Variants in H6PD observed in about 807,000 individuals in gnomAD.
H6PD encodes hexose-6-phosphate dehydrogenase/glucose 1-dehydrogenase.
H6PD carries 48 observed loss-of-function variants against 61.2 expected under a neutral mutation model. The ratio of observed to expected loss-of-function variants is 0.78; its 90% CI spans 0.62 to 1.00. The LOEUF is 1.00. H6PD is among the 50% of genes least tolerant of loss of function. H6PD has a pLI of 0.00. For synonymous variants in H6PD, 480 were observed against 457.9 expected, an observed-to-expected ratio of 1.05 and a Z score of -0.62; for missense variants, 1,093 against 1,065.0, an observed-to-expected ratio of 1.03 and a Z score of -0.37.
intron 1 of H6PD, among the ~76,000 whole-genome samples, chr1:9,235,911 C>T (rs1365957469): frequency 6.6e-6 from 1 of 152,224 alleles, no homozygotes; most frequent in African/African-American, 2.4e-5. Flanking sequence ...CACGCCCAGA[C>T]AGCGTATTTT....
At chr1:9,261,945 G>C in intron 3 of H6PD, 114 bp from the exon 4 acceptor site, 1 of 1,060,304 alleles carries the variant, frequency 9.4e-7, no homozygotes, top group Non-Finnish European at 1.4e-6. Flanking sequence ...CCTGTGGACT[G>C]GGGGAAGAGG....
chr1:9,241,105 T>C (rs1225386406), intron 1 of H6PD, among the ~76,000 whole-genome samples: 1 of 152,194 alleles, frequency 6.6e-6, no homozygotes, highest in Non-Finnish European at 1.5e-5. Flanking sequence ...GGCCTGGCTC[T>C]GTAGCCCCAG....
In H6PD at chr1:9,254,965, G is replaced by A. The variant is rs1398195528; in HGVS notation, c.746-7094G>A. On this transcript the variant is annotated intron_variant, in intron 3 of 4. Transcript: ENST00000377403. This position sits in a 1 kb window ranked among gnomAD's most constrained non-coding sequence, Gnocchi z 4.6. ...TACATATAGGATCATACGGTGTGTG[G>A]TTTCCATCAGTTAGCATCCTGAGTT... Among the ~76,000 whole-genome samples the A allele has an allele frequency of 6.6e-6, 1 of 152,180 alleles. No individual in the cohort carries two copies. The highest frequency in any genetic ancestry group is 1.5e-5 in the Non-Finnish European group (1 of 68,038).
At chr1:9,262,014 G>T in intron 3 of H6PD, 45 bp from the exon 4 acceptor site, 2 of 1,603,554 alleles carry the variant, frequency 1.2e-6, no homozygotes, top group Non-Finnish European at 1.7e-6. Flanking sequence ...CTGATGTTCT[G>T]GCCTCTCTTT....
At position 9,264,731 on chromosome 1, in the gene H6PD, C is replaced by A; in HGVS notation, c.2238C>A (p.Val746=). ...INRAKKVAVL[V]MGRMKREITT... The stretch of plus-strand genomic sequence containing the variant: ...GCGCCAAGAAGGTGGCAGTCCTGGT[C>A]ATGGGCAGGATGAAGCGTGAGATCA... The change falls in exon 5 of 5, where the codon GTC becomes GTA. Residue 746 remains valine, a synonymous_variant. Transcript: ENST00000377403. 1 of 1,613,316 alleles carries A rather than the reference C, an allele frequency of 6.2e-7. No individual in the cohort carries two copies. Among genetic ancestry groups the A allele is most frequent in the Non-Finnish European group, 8.5e-7 (1 of 1,180,022 alleles).
rs1244731935 is a variant in H6PD, at chr1:9,270,069, T to C, written c.*5200T>C. 6.6e-6 allele frequency: 1 copy of C among 152,554 alleles called. No homozygotes were observed. Among genetic ancestry groups the C allele is most frequent in the Admixed American group, 6.5e-5 (1 of 15,268 alleles). 9.5% of individuals were successfully genotyped at this position (152,554 alleles called of 1,614,324 possible). On this transcript the variant is annotated 3_prime_UTR_variant, in exon 5 of 5. Coordinates refer to ENST00000377403, the MANE Select transcript of H6PD (RefSeq NM_004285.4). ...TGCCGAAGTGTACCCTCTAGCCAAC[T>C]TTTGGGAGCGCTTCTGTTTGCAAAG...
At chr1:9,243,501 A>G (rs1412887897) in intron 1 of H6PD, among the ~76,000 whole-genome samples, 1 of 152,066 alleles carries the variant, frequency 6.6e-6, no homozygotes, top group Non-Finnish European at 1.5e-5. Flanking sequence ...ACTAGTTCCC[A>G]TGGGCATGCC....
intron 1 of H6PD, chr1:9,242,532 T>A (rs1023008742): frequency 1.0e-6 from 1 of 983,458 alleles, no homozygotes. Context: ...ACAACAGGAC[T>A]GGTCAGGGAG....
At position 9,238,824 on chromosome 1, in the gene H6PD, G is replaced by C. The variant is rs527882785; in HGVS notation, c.-11+3758G>C. On this transcript the variant is annotated intron_variant, in intron 1 of 4. Coordinates refer to ENST00000377403, the MANE Select transcript of H6PD (RefSeq NM_004285.4). ...CTGGTAATGTTTACCAACTGACTCT[G>C]TGAGGGGTGGGGTTGGTAGTGGGGA... is the stretch of plus-strand genomic sequence containing the variant. Among the ~76,000 whole-genome samples, 3 of 152,246 alleles carry C rather than the reference G, an allele frequency of 2.0e-5. No homozygotes were observed. In the East Asian group the frequency reaches 5.8e-4, roughly 29 times the overall value.
chr1:9,247,971 G>A (rs910697714), intron 3 of H6PD, among the ~76,000 whole-genome samples: 7 of 152,216 alleles, frequency 4.6e-5, no homozygotes, highest in Admixed American at 2.6e-4. Context: ...TGAGGTGGGC[G>A]CTGTTACTAG....
Position 9,265,106 on chromosome 1 carries a change from T to C in H6PD, c.*237T>C. On this transcript the variant is annotated 3_prime_UTR_variant, in exon 5 of 5. Coordinates refer to ENST00000377403, the MANE Select transcript of H6PD (RefSeq NM_004285.4). The stretch of plus-strand genomic sequence containing the variant: ...AAATGGAGTCTGCTCCTGAGAAGCT[T>C]CAAATTCAGGCCAGGAGAGAAGTCT... 1.7e-6 allele frequency: 1 copy of C among 600,360 alleles called. No homozygotes were observed. Among genetic ancestry groups the C allele is most frequent in the Non-Finnish European group, 3.0e-6 (1 of 335,920 alleles). 37.2% of individuals were successfully genotyped at this position (600,360 alleles called of 1,614,324 possible).
intron 4 of H6PD, among the ~76,000 whole-genome samples, chr1:9,262,882 CA>C (rs1638373424): frequency 6.6e-6 from 1 of 152,210 alleles, no homozygotes; most frequent in Admixed American, 6.5e-5. Flanking sequence ...AACCACGAGG[CA>C]GGGGCCATTA....
Position 9,246,952 on chromosome 1 carries a change from T to C in H6PD, c.628-14T>C, listed in dbSNP as rs775448382. On this transcript the variant is annotated splice_polypyrimidine_tract_variant and intron_variant, in intron 2 of 4. Coordinates refer to ENST00000377403, the MANE Select transcript of H6PD (RefSeq NM_004285.4). ...GAGTATCCTGCAGCACGCCCAGTCT[T>C]CCCCCCCCGACAGGCTGTGGCGCAG... The C allele has an allele frequency of 3.9e-5, 61 of 1,556,718 alleles. No individual in the cohort carries two copies. The highest frequency in any genetic ancestry group is 1.6e-4 in the African/African-American group (12 of 73,374).
intron 1 of H6PD, chr1:9,239,779 C>T (rs886168145): frequency 7.7e-5 from 30 of 388,006 alleles, no homozygotes; most frequent in Middle Eastern, 1.3e-3. Context: ...CTTTACCTCC[C>T]GCTCCTCTCT....
intron 1 of H6PD, among the ~76,000 whole-genome samples, chr1:9,237,461 G>A (rs768168282): frequency 6.6e-6 from 1 of 151,702 alleles, no homozygotes; most frequent in Non-Finnish European, 1.5e-5. Flanking sequence ...TTAAACTCCC[G>A]ACCTCCAATG....
rs1488497708 is a variant in H6PD at position 9,265,485 on chromosome 1, C to CCCGCTTG, written c.*619_*625dup. ...CTCCTCTTCACTGCCTCCACCTGCTCCCGCTTGCCATCCCTGTCTCCTCCA... is the reference window on the plus strand; with the variant it reads ...CTCCTCTTCACTGCCTCCACCTGCTCCCGCTTGCCGCTTGCCATCCCTGTCTCCTCCA... On this transcript the variant is annotated 3_prime_UTR_variant, in exon 5 of 5. Coordinates refer to ENST00000377403, the MANE Select transcript of H6PD (RefSeq NM_004285.4). 1.2e-5 allele frequency: 2 copies of CCCGCTTG among 167,972 alleles called. No individual in the cohort carries two copies. The highest frequency in any genetic ancestry group is 1.1e-4 in the Admixed American group (2 of 18,248). The allele number at this position is 167,972 out of a possible 1,614,324, so 10.4% of individuals were successfully genotyped here. A position where few individuals can be genotyped will look rare whatever the true frequency, so the allele number is the denominator to read the frequency against.
chr1:9,234,988 C>T lies in H6PD; in HGVS notation c.-89C>T, dbSNP rs1041655524. ...AGGTGCGGCCCAGGGCGCAGGGGAG[C>T]CCTCGGGAGCGGGCCCGGCCCTCAG... On this transcript the variant is annotated 5_prime_UTR_variant, in exon 1 of 5. Transcript: ENST00000377403. The T allele has an allele frequency of 7.4e-5, 11 of 148,236 alleles. No homozygotes were observed. The East Asian group carries it at 2.2e-3, about 29-fold the overall frequency. The allele number at this position is 148,236 out of a possible 1,614,324, so 9.2% of individuals were successfully genotyped here. A position where few individuals can be genotyped will look rare whatever the true frequency, so the allele number is the denominator to read the frequency against.
intron 4 of H6PD, among the ~76,000 whole-genome samples, chr1:9,263,177 C>T (rs907134844): frequency 2.6e-5 from 4 of 152,170 alleles, no homozygotes; most frequent in African/African-American, 9.7e-5. Flanking sequence ...GGGTCCCCCA[C>T]CCCACTTGCC....
intron 1 of H6PD, among the ~76,000 whole-genome samples, chr1:9,235,399 C>A (rs1640824324): frequency 6.6e-6 from 1 of 152,050 alleles, no homozygotes; most frequent in African/African-American, 2.4e-5. Flanking sequence ...GAACGGTTTT[C>A]CAGGGGCAAA....
Sources: gnomAD v4.1 joint callset for allele counts (sites outside exome capture counted in the v4.1 genomes callset) on GRCh38, gnomAD v4.1.1 for gene constraint, Gnocchi (gnomAD v3.1) non-coding constraint, MANE v1.5 for transcripts, NCBI Gene and HGNC (gene_info 2026-07-23, HGNC 2026-07-21) for gene names.